CHST9: variants seen among roughly 807,000 people sequenced by gnomAD.
CHST9 encodes the protein GalNAc-4-sulfotransferase 2.
In CHST9, 41 loss-of-function variants were observed where a neutral mutation model predicts 44.4. The observed-to-expected ratio is 0.92, with a 90% confidence interval of 0.72 to 1.20. The LOEUF (loss-of-function observed/expected upper bound fraction) is 1.20, where lower values mean the gene tolerates loss of function less well. CHST9 is among the 50% of genes most tolerant of loss of function. The probability of loss-of-function intolerance (pLI) is 0.00; values close to 1 mark genes in which losing one functional copy is unlikely to be tolerated. For missense variants in CHST9, 504 were observed against 516.5 expected (o/e 0.98, Z 0.23); for synonymous variants, 171 against 178.4 (o/e 0.96, Z 0.33).
At chr18:26,984,560 A>G (rs1338627282) in intron 4 of CHST9, among the ~76,000 whole-genome samples, 1 of 152,104 alleles carries the variant, frequency 6.6e-6, no homozygotes, top group Non-Finnish European at 1.5e-5. Context: ...CAAAGACACC[A>G]TTAACAGAAT....
rs550848311 is a variant in CHST9, at chr18:26,915,241, G to C, written c.*1018C>G. 1 of 345,384 alleles carries C rather than the reference G, an allele frequency of 2.9e-6. No individual in the cohort carries two copies. The highest frequency in any genetic ancestry group is 4.2e-5 in the East Asian group (1 of 23,596). The allele number at this position is 345,384 out of a possible 1,614,324, so 21.4% of individuals were successfully genotyped here. Reference sequence around the variant, plus strand: ...CTAGAACATAACCTATCTTTGAAGTGGTATATTAGTTTTTAAAAAGTCATT... The same window carrying C: ...CTAGAACATAACCTATCTTTGAAGTCGTATATTAGTTTTTAAAAAGTCATT... On this transcript the variant is annotated 3_prime_UTR_variant, in exon 6 of 6. Transcript: ENST00000618847.
chr18:27,081,805 G>A (rs2057963488), intron 2 of CHST9, among the ~76,000 whole-genome samples: 1 of 152,192 alleles, frequency 6.6e-6, no homozygotes, highest in Non-Finnish European at 1.5e-5. Context: ...AGCACACCTT[G>A]TGTTAATTCT....
chr18:27,061,273 G>C (rs1220430629), intron 2 of CHST9, among the ~76,000 whole-genome samples: 1 of 152,124 alleles, frequency 6.6e-6, no homozygotes, highest in Non-Finnish European at 1.5e-5. Context: ...TAACCTTTTT[G>C]GGTATAAGTT....
chr18:27,021,074 T>C (rs1404263671), intron 4 of CHST9, among the ~76,000 whole-genome samples: 1 of 152,026 alleles, frequency 6.6e-6, no homozygotes, highest in African/African-American at 2.4e-5. Context: ...TCAGAGGAGG[T>C]GGACAGCTTT....
intron 1 of CHST9, among the ~76,000 whole-genome samples, chr18:27,155,797 A>G (rs1486230557): frequency 6.6e-6 from 1 of 152,248 alleles, no homozygotes; most frequent in Non-Finnish European, 1.5e-5. Flanking sequence ...GGGCTCAGAA[A>G]TAGATACAAT....
At chr18:27,110,322 G>A (rs1461960153) in intron 2 of CHST9, among the ~76,000 whole-genome samples, 2 of 151,124 alleles carry the variant, frequency 1.3e-5, no homozygotes, top group Non-Finnish European at 1.5e-5. Flanking sequence ...ACCTCTTTCT[G>A]TTCCTTTTAT....
At chr18:27,119,978 A>T (rs1479185962) in intron 2 of CHST9, among the ~76,000 whole-genome samples, 1 of 152,192 alleles carries the variant, frequency 6.6e-6, no homozygotes, top group African/African-American at 2.4e-5. Flanking sequence ...AAAGTATGAT[A>T]AATGTTATGA....
intron 2 of CHST9, among the ~76,000 whole-genome samples, chr18:27,064,586 A>G (rs1333048904): frequency 6.6e-6 from 1 of 152,208 alleles, no homozygotes; most frequent in East Asian, 1.9e-4. Flanking sequence ...TGGTGGGTGC[A>G]TTTTTCCATT....
intron 1 of CHST9, among the ~76,000 whole-genome samples, chr18:27,166,877 C>T (rs1567946850): frequency 6.6e-6 from 1 of 152,028 alleles, no homozygotes; most frequent in Non-Finnish European, 1.5e-5. Context: ...GAAATGAAGA[C>T]CCGAAGATGC....
At chr18:27,154,214 T>C (rs1598762686) in intron 1 of CHST9, among the ~76,000 whole-genome samples, 1 of 152,158 alleles carries the variant, frequency 6.6e-6, no homozygotes, top group Non-Finnish European at 1.5e-5. Context: ...ATAATAAATA[T>C]GCTAATATTT....
chr18:26,940,754 G>A (rs910434001), intron 5 of CHST9, among the ~76,000 whole-genome samples: 5 of 152,208 alleles, frequency 3.3e-5, no homozygotes, highest in Non-Finnish European at 5.9e-5. Flanking sequence ...CCCCCAAACA[G>A]ATATGTTGAA....
At chr18:27,026,244 G>C (rs753209855) in intron 3 of CHST9, among the ~76,000 whole-genome samples, 1 of 152,108 alleles carries the variant, frequency 6.6e-6, no homozygotes, top group Non-Finnish European at 1.5e-5. Flanking sequence ...CCCTGGTCTA[G>C]TTTGTCCCTC....
chr18:27,061,235 G>C (rs147174421), intron 2 of CHST9, among the ~76,000 whole-genome samples: 2,147 of 152,278 alleles, frequency 0.014, 33 homozygotes, highest in South Asian at 0.033. Context: ...GGACCACCCT[G>C]CATCAGGTTT....
At chr18:26,951,770 A>G (rs1891977177) in intron 4 of CHST9, among the ~76,000 whole-genome samples, 1 of 152,216 alleles carries the variant, frequency 6.6e-6, no homozygotes, top group South Asian at 2.1e-4. Flanking sequence ...AGGCCCAAAC[A>G]GTAACAGTGA....
At chr18:27,158,601 A>G (rs1462628723) in intron 1 of CHST9, among the ~76,000 whole-genome samples, 87 of 152,142 alleles carry the variant, frequency 5.7e-4, no homozygotes, top group Middle Eastern at 3.4e-3. Flanking sequence ...ATGATTTATA[A>G]TCCTTTGGGT....
chr18:27,007,369 G>C (rs1291083682), intron 4 of CHST9, among the ~76,000 whole-genome samples: 1 of 152,148 alleles, frequency 6.6e-6, no homozygotes, highest in Non-Finnish European at 1.5e-5. Context: ...TCCAGCAGTA[G>C]CAAGGAGGTG....
intron 4 of CHST9, among the ~76,000 whole-genome samples, chr18:26,968,376 C>T (rs75398493): frequency 1.0e-3 from 156 of 152,258 alleles, no homozygotes; most frequent in African/African-American, 3.7e-3. Context: ...AAACTGTTGG[C>T]ATTGCTATCT....
At chr18:27,162,275 C>T (rs1273554295) in intron 1 of CHST9, among the ~76,000 whole-genome samples, 1 of 152,096 alleles carries the variant, frequency 6.6e-6, no homozygotes, top group Non-Finnish European at 1.5e-5. Context: ...TTTAGTGCTT[C>T]CTTCAGGAGC....
intron 2 of CHST9, among the ~76,000 whole-genome samples, chr18:27,119,816 A>G (rs746746800): frequency 1.3e-5 from 2 of 151,902 alleles, no homozygotes; most frequent in Non-Finnish European, 2.9e-5. Flanking sequence ...CTTTTCATTC[A>G]CTCAACAGAG....
Sources: gnomAD v4.1 joint callset for allele counts (sites outside exome capture counted in the v4.1 genomes callset) on GRCh38, gnomAD v4.1.1 for gene constraint, MANE v1.5 for transcripts, NCBI Gene and HGNC (gene_info 2026-07-23, HGNC 2026-07-21) for gene names.